ADAMTS5: variants seen among roughly 807,000 people sequenced by gnomAD.
ADAMTS5 encodes the protein ADAM metallopeptidase with thrombospondin type 1 motif 5.
ADAMTS5 carries 54 observed loss-of-function variants against 81.4 expected under a neutral mutation model. The observed-to-expected ratio is 0.66, with a 90% confidence interval of 0.53 to 0.83. The LOEUF is 0.83. Among genes scored for constraint, ADAMTS5 ranks in the 40% least tolerant of loss-of-function variants. The pLI is 0.00. For missense variants in ADAMTS5, 1,194 were observed against 1,229.9 expected (o/e 0.97, Z 0.44); for synonymous variants, 532 against 508.8 (o/e 1.05, Z -0.61).
chr21:26,947,727 G>A (rs561039189), intron 2 of ADAMTS5, among the ~76,000 whole-genome samples: 17 of 152,082 alleles, frequency 1.1e-4, no homozygotes, highest in Non-Finnish European at 1.5e-4. Context: ...GAACCACTGC[G>A]CCCGATCAGA....
At chr21:26,932,801 T>C in intron 5 of ADAMTS5, 60 bp downstream of exon 5, 1 of 1,520,964 alleles carries the variant, frequency 6.6e-7, no homozygotes, top group East Asian at 2.3e-5. Context: ...TTATTCATTA[T>C]TGCTAGAATA....
chr21:26,940,486 T>C (rs1485837596), intron 3 of ADAMTS5, among the ~76,000 whole-genome samples: 1 of 152,174 alleles, frequency 6.6e-6, no homozygotes, highest in Non-Finnish European at 1.5e-5. Context: ...CCTTTCATGT[T>C]TTCAGGCTAT....
chr21:26,959,345 A>G (rs534672817), intron 1 of ADAMTS5, among the ~76,000 whole-genome samples: 1 of 152,322 alleles, frequency 6.6e-6, no homozygotes, highest in East Asian at 1.9e-4. Context: ...TTCCAGCTAC[A>G]CATGTCCTGA....
At chr21:26,935,271 C>T (rs1024429065) in intron 3 of ADAMTS5, among the ~76,000 whole-genome samples, 1 of 152,114 alleles carries the variant, frequency 6.6e-6, no homozygotes. Flanking sequence ...TAAATAATAG[C>T]CAAGCTGGCT....
chr21:26,929,490 C>T (rs1986865900), intron 7 of ADAMTS5, among the ~76,000 whole-genome samples: 1 of 152,190 alleles, frequency 6.6e-6, no homozygotes, highest in Non-Finnish European at 1.5e-5. Context: ...AAGGAAAACA[C>T]AGTGTAAGGA....
chr21:26,956,479 CAGT>C (rs1489021492), intron 1 of ADAMTS5, among the ~76,000 whole-genome samples: 1 of 152,124 alleles, frequency 6.6e-6, no homozygotes, highest in Non-Finnish European at 1.5e-5. Flanking sequence ...GAGTACAAAT[CAGT>C]AGTTTTTCAA....
intron 2 of ADAMTS5, among the ~76,000 whole-genome samples, chr21:26,952,205 T>A (rs1987332305): frequency 6.6e-6 from 1 of 152,152 alleles, no homozygotes; most frequent in Non-Finnish European, 1.5e-5. Context: ...ACCAAAAATT[T>A]AAGTGCACAG....
intron 1 of ADAMTS5, among the ~76,000 whole-genome samples, chr21:26,958,237 G>T (rs1260280842): frequency 1.3e-5 from 2 of 152,186 alleles, no homozygotes; most frequent in African/African-American, 4.8e-5. Flanking sequence ...TACCATCACA[G>T]CTGCAGCCAC....
chr21:26,962,922 T>C (rs1568854058), intron 1 of ADAMTS5, among the ~76,000 whole-genome samples: 1 of 152,146 alleles, frequency 6.6e-6, no homozygotes, highest in Non-Finnish European at 1.5e-5. Context: ...TGTGAAATAC[T>C]CTCAAATGAA....
chr21:26,929,979 A>T lies in ADAMTS5; in HGVS notation c.2132T>A (p.Ile711Asn). The change falls in exon 7 of 8, where the codon ATC becomes AAC. Residue 711 changes from isoleucine (I) to asparagine (N), a missense_variant. This residue lies in a region of ADAMTS5 where 696 missense variants were observed against 817.6 expected (regional missense o/e 0.85). Transcript: ENST00000284987. ...GTCATACTGCAGCTTTGAGCCAATG[A>T]TGCCGTCACAGCCAGTTCTCACACA... Reference protein sequence around the residue: ...GKCVRTGCDGIIGSKLQYDKC... With the variant: ...GKCVRTGCDGNIGSKLQYDKC... 1.9e-6 allele frequency: 3 copies of T among 1,614,174 alleles called. No homozygotes were observed. The highest frequency in any genetic ancestry group is 2.5e-6 in the Non-Finnish European group (3 of 1,180,008).
Position 26,932,193 on chromosome 21 carries a change from A to G in ADAMTS5, c.1874-14T>C, listed in dbSNP as rs201936419. 5.3e-4 allele frequency: 847 copies of G among 1,610,054 alleles called. No individual in the cohort carries two copies. Among genetic ancestry groups the G allele is most frequent in the Non-Finnish European group, 6.6e-4 (778 of 1,177,656 alleles). ...GAAATGATTTACCTAGAAAACAAAC[A>G]TGTTTCAGTATTACCTTATCAGTTC... On this transcript the variant is annotated splice_polypyrimidine_tract_variant and intron_variant, in intron 5 of 7. Transcript: ENST00000284987.
intron 2 of ADAMTS5, among the ~76,000 whole-genome samples, chr21:26,949,102 T>C (rs937918175): frequency 5.3e-5 from 8 of 151,894 alleles, no homozygotes; most frequent in African/African-American, 1.7e-4. Context: ...GGGATTGTTA[T>C]ATACTTTTAC....
chr21:26,965,618 C>A lies in ADAMTS5; in HGVS notation c.774G>T (p.Arg258=), dbSNP rs1337838568. 1.3e-6 allele frequency: 2 copies of A among 1,597,220 alleles called. No individual in the cohort carries two copies. The highest frequency in any genetic ancestry group is 1.3e-5 in the African/African-American group (1 of 74,660). ...GGGCCCGGGAGATGGAGCGGCGCCGCCGCCGCCACCACGTCTGCGGTCCTG... is the reference window on the plus strand; with the variant it reads ...GGGCCCGGGAGATGGAGCGGCGCCGACGCCGCCACCACGTCTGCGGTCCTG... ...GGSGPQTWWR[R]RRRSISRARQ... Residue 258 remains arginine (R), a synonymous_variant, in exon 1 of 8, where the codon CGG becomes CGT. Transcript: ENST00000284987.
intron 1 of ADAMTS5, among the ~76,000 whole-genome samples, chr21:26,961,854 C>G (rs1260493004): frequency 6.6e-6 from 1 of 152,168 alleles, no homozygotes; most frequent in Non-Finnish European, 1.5e-5. Context: ...AAGCCCATCC[C>G]TCTCCCTCTT....
rs374945461 is a variant in ADAMTS5, at chr21:26,965,609, G to T, written c.783C>A (p.Arg261=). Residue 261 remains arginine, a synonymous_variant, in exon 1 of 8, where the codon CGC becomes CGA. Coordinates refer to ENST00000284987, the MANE Select transcript of ADAMTS5 (RefSeq NM_007038.5). ...GPQTWWRRRR[R]SISRARQVEL... ...CCACCTGGCGGGCCCGGGAGATGGA[G>T]CGGCGCCGCCGCCGCCACCACGTCT... 2.3e-5 allele frequency: 36 copies of T among 1,599,696 alleles called. No individual in the cohort carries two copies. In the African/African-American group the frequency reaches 3.1e-4, roughly 14 times the overall value.
At chr21:26,955,736 A>C (rs990947388) in intron 1 of ADAMTS5, among the ~76,000 whole-genome samples, 5 of 152,184 alleles carry the variant, frequency 3.3e-5, no homozygotes, top group Admixed American at 1.3e-4. Flanking sequence ...TTTCCCTTTA[A>C]ATGCTATTTG....
intron 5 of ADAMTS5, among the ~76,000 whole-genome samples, chr21:26,932,528 C>G (rs1986930510): frequency 6.6e-6 from 1 of 151,852 alleles, no homozygotes; most frequent in South Asian, 2.1e-4. Flanking sequence ...CCCGTCTCTA[C>G]TAAAAATAAA....
chr21:26,962,864 CT>C (rs796502414), intron 1 of ADAMTS5, among the ~76,000 whole-genome samples: 169 of 145,702 alleles, frequency 1.2e-3, no homozygotes, highest in African/African-American at 2.9e-3. Flanking sequence ...CTCCAGACTT[CT>C]TTTTTTTTTT....
chr21:26,961,171 G>C (rs1048113346), intron 1 of ADAMTS5, among the ~76,000 whole-genome samples: 1 of 152,218 alleles, frequency 6.6e-6, no homozygotes, highest in Admixed American at 6.5e-5. Context: ...TTTGTTAGCT[G>C]TTAGTCTAAG....
Sources: allele counts gnomAD v4.1 joint callset (sites outside exome capture counted in the v4.1 genomes callset), GRCh38; gene constraint gnomAD v4.1.1; regional missense constraint gnomAD v4.1.1; transcripts MANE v1.5; gene names NCBI Gene and HGNC (gene_info 2026-07-23, HGNC 2026-07-21).